Variants in ENTPD7 observed in about 807,000 individuals in gnomAD.
The protein encoded by ENTPD7 is NTPDase 7.
ENTPD7 carries 53 observed loss-of-function variants against 77.9 expected under a neutral mutation model. The observed-to-expected ratio is 0.68, with a 90% CI of 0.55 to 0.85. ENTPD7 has a LOEUF of 0.85. ENTPD7 is among the 40% of genes least tolerant of loss of function. ENTPD7 has a pLI of 0.00. For missense variants in ENTPD7, 636 were observed against 743.7 expected, an observed-to-expected ratio of 0.86 and a Z score of 1.68; for synonymous variants, 248 against 274.9, an observed-to-expected ratio of 0.90 and a Z score of 0.97.
chr10:99,681,777 C>T (rs1031276563), intron 5 of ENTPD7, among the ~76,000 whole-genome samples: 5 of 152,146 alleles, frequency 3.3e-5, no homozygotes, highest in African/African-American at 1.2e-4. Flanking sequence ...TTGCATTTCC[C>T]TGATGACTAG....
intron 8 of ENTPD7, among the ~76,000 whole-genome samples, chr10:99,692,678 T>C (rs1465835485): frequency 2.6e-5 from 4 of 152,136 alleles, no homozygotes; most frequent in Non-Finnish European, 5.9e-5. Flanking sequence ...TCAGGTGTGC[T>C]AGTAGTTAAG....
chr10:99,694,037 C>A (rs1386495463), intron 8 of ENTPD7, among the ~76,000 whole-genome samples: 1 of 152,032 alleles, frequency 6.6e-6, no homozygotes, highest in African/African-American at 2.4e-5. Flanking sequence ...TTTAAATAAT[C>A]CTGAATGCCT....
intron 12 of ENTPD7, among the ~76,000 whole-genome samples, chr10:99,703,927 T>G (rs943105397): frequency 6.6e-6 from 1 of 152,280 alleles, no homozygotes; most frequent in East Asian, 1.9e-4. Context: ...GGTCTTGTTA[T>G]GTTGACCAGG....
chr10:99,689,601 G>A (rs555131646), intron 7 of ENTPD7, among the ~76,000 whole-genome samples: 4 of 152,310 alleles, frequency 2.6e-5, no homozygotes, highest in South Asian at 4.1e-4. Context: ...AAGGCGCTGT[G>A]TGTTTTCCAC....
intron 7 of ENTPD7, among the ~76,000 whole-genome samples, chr10:99,690,990 GCTTT>G (rs750297462): frequency 2.6e-5 from 4 of 152,038 alleles, no homozygotes; most frequent in African/African-American, 4.8e-5. Flanking sequence ...ATACTTGTTT[GCTTT>G]CTTTTTTTTA....
intron 6 of ENTPD7, among the ~76,000 whole-genome samples, chr10:99,687,259 C>CTTTCTTTCTT (rs1223628237): frequency 3.4e-4 from 10 of 29,520 alleles, no homozygotes; most frequent in Admixed American, 7.2e-4. Context: ...TTCTTTCTTT[C>CTTTCTTTCTT]TTTTTTTTTT....
chr10:99,674,311 G>T (rs540519059), intron 3 of ENTPD7, among the ~76,000 whole-genome samples: 1 of 152,258 alleles, frequency 6.6e-6, no homozygotes, highest in Admixed American at 6.5e-5. Context: ...ATGTTATTTT[G>T]CCTTTTAAAA....
intron 3 of ENTPD7, among the ~76,000 whole-genome samples, chr10:99,671,377 C>G (rs2035617685): frequency 1.3e-5 from 2 of 152,040 alleles, no homozygotes; most frequent in Admixed American, 1.3e-4. Flanking sequence ...TATTCTTATT[C>G]TATAAGTTTT....
chr10:99,692,996 A>T (rs1177078812), intron 8 of ENTPD7, among the ~76,000 whole-genome samples: 1 of 152,162 alleles, frequency 6.6e-6, no homozygotes, highest in Non-Finnish European at 1.5e-5. Flanking sequence ...AGTTAGACAA[A>T]GTAAGTGGAA....
chr10:99,661,363 AG>A (rs904188535), intron 2 of ENTPD7, 82 bp from the exon 3 acceptor site: 4 of 1,257,920 alleles, frequency 3.2e-6, no homozygotes, highest in African/African-American at 3.1e-5. Context: ...CTTTATTAGG[AG>A]GGTTTTATCC....
Position 99,710,604 on chromosome 10 carries a change from A to T in ENTPD7, c.*5921A>T. On this transcript the variant is annotated 3_prime_UTR_variant, in exon 13 of 13. Transcript: ENST00000370489. ...AACATTTTAGGTCAGTGTTGAGGAA[A>T]ATGTGTGATGCATGTTAGAGAGGTG... is the stretch of plus-strand genomic sequence containing the variant. 2 of 985,424 alleles carry T rather than the reference A, an allele frequency of 2.0e-6. No individual in the cohort carries two copies. Among genetic ancestry groups the T allele is most frequent in the Non-Finnish European group, 2.4e-6 (2 of 829,928 alleles). 61.0% of individuals were successfully genotyped at this position (985,424 alleles called of 1,614,324 possible). A position where few individuals can be genotyped will look rare whatever the true frequency, so the allele number is the denominator to read the frequency against.
Position 99,704,765 on chromosome 10 carries a change from T to C in ENTPD7, c.*82T>C. On this transcript the variant is annotated 3_prime_UTR_variant, in exon 13 of 13. Coordinates refer to ENST00000370489, the MANE Select transcript of ENTPD7 (RefSeq NM_020354.5). ...CTCCACTTTCTTATATAGCCTCAGA[T>C]GCTGTGATGTCTGACCTTGTGGATA... The C allele has an allele frequency of 8.0e-7, 1 of 1,254,344 alleles. No individual in the cohort carries two copies. Among genetic ancestry groups the C allele is most frequent in the South Asian group, 1.3e-5 (1 of 75,496 alleles). 77.7% of individuals were successfully genotyped at this position (1,254,344 alleles called of 1,614,324 possible).
intron 3 of ENTPD7, among the ~76,000 whole-genome samples, chr10:99,665,958 A>C (rs1415161888): frequency 6.6e-6 from 1 of 152,182 alleles, no homozygotes; most frequent in East Asian, 1.9e-4. Flanking sequence ...AGTTTGTTTA[A>C]TGCTTATGGA....
At position 99,710,111 on chromosome 10, in the gene ENTPD7, C is replaced by A; in HGVS notation, c.*5428C>A. ...CTGAGCCTCTTCTTTTAAAGGGCAA[C>A]CACTTGTATACCCTCTGGTGGCCAC... On this transcript the variant is annotated 3_prime_UTR_variant, in exon 13 of 13. Transcript: ENST00000370489. The A allele has an allele frequency of 1.0e-6, 1 of 985,426 alleles. No homozygotes were observed. The highest frequency in any genetic ancestry group is 1.2e-6 in the Non-Finnish European group (1 of 829,932). 61.0% of individuals were successfully genotyped at this position (985,426 alleles called of 1,614,324 possible).
At chr10:99,698,915 T>C (rs193162909) in intron 10 of ENTPD7, 57 bp downstream of exon 10, 71 of 1,496,964 alleles carry the variant, frequency 4.7e-5, no homozygotes, top group Non-Finnish European at 6.0e-5. Context: ...ATTGAATGCC[T>C]CACTCTGTGC....
intron 3 of ENTPD7, among the ~76,000 whole-genome samples, chr10:99,668,267 C>T (rs1454457832): frequency 6.6e-6 from 1 of 152,046 alleles, no homozygotes; most frequent in African/African-American, 2.4e-5. Flanking sequence ...AGGTTTTCAA[C>T]CTTTGTGTAT....
Position 99,710,871 on chromosome 10 carries a change from A to G in ENTPD7, c.*6188A>G. Reference sequence around the variant, plus strand: ...CAAAAAATTCTAGGTTGACTGATTAAGAAAGCCATGTGTTTTAATTTCCTT... The same window carrying G: ...CAAAAAATTCTAGGTTGACTGATTAGGAAAGCCATGTGTTTTAATTTCCTT... On this transcript the variant is annotated 3_prime_UTR_variant, in exon 13 of 13. Transcript: ENST00000370489. The G allele has an allele frequency of 1.0e-6, 1 of 985,434 alleles. No homozygotes were observed. Among genetic ancestry groups the G allele is most frequent in the Non-Finnish European group, 1.2e-6 (1 of 829,912 alleles). The allele number at this position is 985,434 out of a possible 1,614,324, so 61.0% of individuals were successfully genotyped here.
At chr10:99,666,323 T>C (rs1288305027) in intron 3 of ENTPD7, among the ~76,000 whole-genome samples, 4 of 152,122 alleles carry the variant, frequency 2.6e-5, no homozygotes, top group African/African-American at 9.7e-5. Context: ...TTCTCCTGCC[T>C]CAGCCTCCCA....
chr10:99,698,831 TG>T lies in ENTPD7; in HGVS notation c.1311del (p.Pro438GlnfsTer18), dbSNP rs879255416. On this transcript the variant is annotated frameshift_variant, in exon 10 of 13. Transcript: ENST00000370489. LOFTEE classifies it high-confidence loss of function. ...TGTTGCGCATTGGTGGCCGCTACCA[TG>T]GGCCAACATTTGCCAAGGCTGCTCA... ...DVLRIGGRYH[G>X]PTFAKAAQDY... 1,095 of 1,606,238 alleles carry T rather than the reference TG, an allele frequency of 6.8e-4. 3 individuals are homozygous for T. Among genetic ancestry groups the T allele is most frequent in the Non-Finnish European group, 7.4e-4 (871 of 1,175,044 alleles).
Sources: allele counts gnomAD v4.1 joint callset (sites outside exome capture counted in the v4.1 genomes callset), GRCh38; gene constraint gnomAD v4.1.1; transcripts MANE v1.5; gene names NCBI Gene and HGNC (gene_info 2026-07-23, HGNC 2026-07-21).